Variants in CACNA1E observed in about 807,000 individuals in gnomAD.
CACNA1E encodes the protein voltage-dependent R-type calcium channel subunit alpha-1E.
Under a neutral mutation model 259.2 loss-of-function variants are expected in CACNA1E, and 40 were observed. The observed-to-expected ratio is 0.15, with a 90% CI of 0.12 to 0.20. The LOEUF (loss-of-function observed/expected upper bound fraction) is 0.20, where lower values mean the gene tolerates loss of function less well. CACNA1E is among the 10% of genes least tolerant of loss of function. CACNA1E has a pLI of 1.00. For missense variants in CACNA1E, 1,874 were observed against 3,040.1 expected (o/e 0.62, Z 9.02); for synonymous variants, 1,104 against 1,138.5 (o/e 0.97, Z 0.61).
chr1:181,717,130 G>T lies in CACNA1E; in HGVS notation c.1353G>T (p.Lys451Asn). 1 of 1,614,068 alleles carries T rather than the reference G, an allele frequency of 6.2e-7. No homozygotes were observed. The change falls in exon 11 of 48, where the codon AAG (lysine) becomes AAT (asparagine). Residue 451 changes from lysine to asparagine, a missense_variant. Physicochemically the swap from Lys to Asn is moderately conservative, Grantham distance 94. Coordinates refer to ENST00000367573, the MANE Select transcript of CACNA1E (RefSeq NM_001205293.3). ...PLARASIKSA[K>N]VDGVSYFRHK... ...CCCGAGCCAGTATCAAAAGTGCAAA[G>T]GTAGACGGGGTCTCTTATTTCCGGC...
rs956801133 is a variant in CACNA1E at position 181,804,522 on chromosome 1, A to G, written c.*5688A>G. ...ACCAATACAAAATTTATGTCTTAAG[A>G]AGATAATTTTTACAATAGTGTAGTA... On this transcript the variant is annotated 3_prime_UTR_variant, in exon 48 of 48. Transcript: ENST00000367573. The G allele has an allele frequency of 2.0e-5, 3 of 152,216 alleles. No individual in the cohort carries two copies. The highest frequency in any genetic ancestry group is 7.2e-5 in the African/African-American group (3 of 41,460). The allele number at this position is 152,216 out of a possible 1,614,324, so 9.4% of individuals were successfully genotyped here. A position where few individuals can be genotyped will look rare whatever the true frequency, so the allele number is the denominator to read the frequency against.
Position 181,756,964 on chromosome 1 carries a change from A to T in CACNA1E, c.4167A>T (p.Arg1389=), listed in dbSNP as rs1387281277. 1.2e-6 allele frequency: 2 copies of T among 1,613,926 alleles called. No homozygotes were observed. The highest frequency in any genetic ancestry group is 2.2e-5 in the South Asian group (2 of 91,084). ...QHSVDVTEED[R]GPSRSNRMEM... is the part of the protein sequence containing the mutation. Reference sequence around the variant, plus strand: ...CTGTAGATGTGACAGAGGAAGACCGAGGCCCAAGCCGCAGCAACCGCATGG... The same window carrying T: ...CTGTAGATGTGACAGAGGAAGACCGTGGCCCAAGCCGCAGCAACCGCATGG... Residue 1389 remains arginine, a synonymous_variant, in exon 30 of 48, where the codon CGA becomes CGT. Transcript: ENST00000367573.
intron 1 of CACNA1E, among the ~76,000 whole-genome samples, chr1:181,370,925 C>T (rs992133295): frequency 3.3e-5 from 5 of 152,154 alleles, no homozygotes; most frequent in African/African-American, 9.7e-5. Context: ...TCCACAGCCT[C>T]GACAACATGT....
chr1:181,665,293 A>G (rs1313904545), intron 7 of CACNA1E, among the ~76,000 whole-genome samples: 1 of 152,174 alleles, frequency 6.6e-6, no homozygotes. Flanking sequence ...GCAAACTGCA[A>G]TTCATATACT....
At chr1:181,427,002 T>G (rs949074693) in intron 2 of CACNA1E, among the ~76,000 whole-genome samples, 3 of 141,020 alleles carry the variant, frequency 2.1e-5, no homozygotes, top group Non-Finnish European at 3.1e-5. Context: ...CTCAGCCCCT[T>G]CCCACCTCAG....
At chr1:181,651,244 G>GT in intron 6 of CACNA1E, 94 bp from the exon 7 acceptor site, 1 of 824,506 alleles carries the variant, frequency 1.2e-6, no homozygotes, top group Non-Finnish European at 2.0e-6. Flanking sequence ...TTGCATTGTG[G>GT]TTTTTACATC....
intron 7 of CACNA1E, among the ~76,000 whole-genome samples, chr1:181,686,349 C>T (rs1371232234): frequency 4.1e-5 from 5 of 121,554 alleles, no homozygotes; most frequent in East Asian, 2.7e-4. Flanking sequence ...TGCAATGATG[C>T]GATCTTGGCT....
In CACNA1E at chr1:181,758,292, G is replaced by A. The variant is rs1658266685; in HGVS notation, c.4494+181G>A. The stretch of plus-strand genomic sequence containing the variant: ...CTCTGGGGCTTTGGGGGTCCACTGA[G>A]CAAAATGCAGTGCAGACTATAGTAG... On this transcript the variant is annotated intron_variant, in intron 31 of 47. Transcript: ENST00000367573. The surrounding 1 kb of genome is among the most constrained non-coding windows in gnomAD (Gnocchi z 4.2). 6.6e-6 allele frequency among the ~76,000 whole-genome samples: 1 copy of A among 152,186 alleles called. No individual in the cohort carries two copies. The highest frequency in any genetic ancestry group is 2.4e-5 in the African/African-American group (1 of 41,432).
At chr1:181,766,484 A>G in intron 34 of CACNA1E, 62 bp from the exon 35 acceptor site, 2 of 1,160,092 alleles carry the variant, frequency 1.7e-6, no homozygotes, top group Non-Finnish European at 2.6e-6. Flanking sequence ...CGGTGACTGC[A>G]GGTTGTTGAG....
chr1:181,616,715 AAAAAC>A (rs543594132), intron 6 of CACNA1E, among the ~76,000 whole-genome samples: 3 of 151,880 alleles, frequency 2.0e-5, no homozygotes, highest in Non-Finnish European at 2.9e-5. Context: ...TCCATCTCAA[AAAAAC>A]AAAACAAAAC....
intron 1 of CACNA1E, among the ~76,000 whole-genome samples, chr1:181,484,678 C>G (rs948837746): frequency 6.6e-6 from 1 of 152,248 alleles, no homozygotes; most frequent in Admixed American, 6.5e-5. Context: ...TGGAGTTCTC[C>G]TCTCAGCCAA....
chr1:181,365,080 T>G (rs548670404), intron 1 of CACNA1E, among the ~76,000 whole-genome samples: 1 of 152,288 alleles, frequency 6.6e-6, no homozygotes, highest in South Asian at 2.1e-4. Flanking sequence ...CTTTGGGAGG[T>G]AGTGCTGGTT....
chr1:181,525,342 T>C (rs1667277339), intron 3 of CACNA1E, among the ~76,000 whole-genome samples: 1 of 152,254 alleles, frequency 6.6e-6, no homozygotes, highest in Non-Finnish European at 1.5e-5. Flanking sequence ...CAGCAGCTGT[T>C]GACACACTAC....
intron 3 of CACNA1E, among the ~76,000 whole-genome samples, chr1:181,519,794 ATT>A (rs1311270034): frequency 2.0e-5 from 3 of 152,028 alleles, no homozygotes; most frequent in Middle Eastern, 3.2e-3. Flanking sequence ...AAGAAATAAG[ATT>A]TTCTGTTATT....
chr1:181,440,324 C>T (rs916422511), intron 2 of CACNA1E, among the ~76,000 whole-genome samples: 2 of 152,124 alleles, frequency 1.3e-5, no homozygotes, highest in African/African-American at 4.8e-5. Context: ...TATTGATGCC[C>T]CAGGGGTGTC....
In CACNA1E at chr1:181,603,746, G is replaced by A. The variant is rs1653961685; in HGVS notation, c.951+22970G>A. 2.0e-5 allele frequency among the ~76,000 whole-genome samples: 3 copies of A among 152,126 alleles called. No homozygotes were observed. In the South Asian group the frequency reaches 6.2e-4, roughly 32 times the overall value. On this transcript the variant is annotated intron_variant, in intron 6 of 47. Coordinates refer to ENST00000367573, the MANE Select transcript of CACNA1E (RefSeq NM_001205293.3). ...CTCACCTTTGATCCTCTGTTCTGAG[G>A]AATTCTTGATAGCCTAGGACTAATC... is the stretch of plus-strand genomic sequence containing the variant.
intron 1 of CACNA1E, among the ~76,000 whole-genome samples, chr1:181,376,674 T>C (rs1413718367): frequency 2.6e-5 from 4 of 152,220 alleles, no homozygotes; most frequent in Non-Finnish European, 5.9e-5. Context: ...TTTTAGTTTT[T>C]TGACATCATG....
chr1:181,363,934 G>A (rs1382276513), intron 1 of CACNA1E, among the ~76,000 whole-genome samples: 1 of 152,164 alleles, frequency 6.6e-6, no homozygotes, highest in Non-Finnish European at 1.5e-5. Flanking sequence ...TCTGAACTTG[G>A]TCCTCTGTTC....
At chr1:181,582,193 G>A (rs1266747430) in intron 6 of CACNA1E, among the ~76,000 whole-genome samples, 1 of 152,190 alleles carries the variant, frequency 6.6e-6, no homozygotes, top group Non-Finnish European at 1.5e-5. Context: ...AGCTCTAAAG[G>A]GCAGTGAAGA....
Sources: allele counts gnomAD v4.1 joint callset (sites outside exome capture counted in the v4.1 genomes callset), GRCh38; gene constraint gnomAD v4.1.1; non-coding constraint Gnocchi (gnomAD v3.1); transcripts MANE v1.5; gene names NCBI Gene and HGNC (gene_info 2026-07-23, HGNC 2026-07-21).